The following PRKCE variants were observed in gnomAD, a reference collection of about 807,000 sequenced individuals.
The protein encoded by PRKCE is protein kinase C epsilon.
In PRKCE, 16 loss-of-function variants were observed where a neutral mutation model predicts 85.4. That is an observed-to-expected ratio of 0.19 (90% CI 0.13 to 0.28). The LOEUF (loss-of-function observed/expected upper bound fraction) is 0.28. PRKCE is among the 10% of genes least tolerant of loss of function. PRKCE has a pLI of 1.00. For synonymous variants in PRKCE, 388 were observed against 371.5 expected, an observed-to-expected ratio of 1.04 and a Z score of -0.51; for missense variants, 573 against 975.2, an observed-to-expected ratio of 0.59 and a Z score of 5.49.
chr2:45,763,308 C>A (rs1684664158), intron 1 of PRKCE, among the ~76,000 whole-genome samples: 1 of 152,110 alleles, frequency 6.6e-6, no homozygotes, highest in Non-Finnish European at 1.5e-5. Context: ...TGCTTTGGGC[C>A]TGTGAATGGA....
chr2:45,710,220 T>A (rs866599869), intron 1 of PRKCE, among the ~76,000 whole-genome samples: 1 of 152,250 alleles, frequency 6.6e-6, no homozygotes, highest in African/African-American at 2.4e-5. Flanking sequence ...ACTATCACTA[T>A]CCTCATATGA....
chr2:46,180,844 G>A (rs1021008184), intron 14 of PRKCE, among the ~76,000 whole-genome samples: 1 of 152,234 alleles, frequency 6.6e-6, no homozygotes, highest in African/African-American at 2.4e-5. Context: ...AGGAAAGGAT[G>A]GCACCAGAAT....
intron 2 of PRKCE, among the ~76,000 whole-genome samples, chr2:45,864,689 C>T (rs1031998605): frequency 3.9e-5 from 6 of 152,116 alleles, no homozygotes; most frequent in Non-Finnish European, 7.4e-5. Flanking sequence ...TTAATTCCTC[C>T]CCAACCATTC....
chr2:46,123,615 G>A (rs1028989718), intron 11 of PRKCE, among the ~76,000 whole-genome samples: 2 of 152,034 alleles, frequency 1.3e-5, no homozygotes, highest in Non-Finnish European at 2.9e-5. Flanking sequence ...CAACCTCCCA[G>A]GTAACTGGAA....
intron 1 of PRKCE, among the ~76,000 whole-genome samples, chr2:45,763,521 C>G (rs1334187913): frequency 1.3e-5 from 2 of 152,126 alleles, no homozygotes; most frequent in East Asian, 1.9e-4. Context: ...GTCCCACCCC[C>G]TCCCTAGTCT....
chr2:45,715,602 C>T (rs1680021931), intron 1 of PRKCE, among the ~76,000 whole-genome samples: 1 of 152,180 alleles, frequency 6.6e-6, no homozygotes, highest in Non-Finnish European at 1.5e-5. Flanking sequence ...AAATTTTCTA[C>T]AAGAGTCAGT....
At chr2:45,852,539 C>T (rs1692357134) in intron 2 of PRKCE, among the ~76,000 whole-genome samples, 1 of 152,144 alleles carries the variant, frequency 6.6e-6, no homozygotes, top group Non-Finnish European at 1.5e-5. Context: ...AGGTCCTGCC[C>T]TCTAGGAGCT....
chr2:45,657,858 T>C (rs1675450376), intron 1 of PRKCE, among the ~76,000 whole-genome samples: 1 of 152,170 alleles, frequency 6.6e-6, no homozygotes, highest in Admixed American at 6.5e-5. Context: ...CAGAATCACT[T>C]GGGGGAGATT....
chr2:45,985,688 T>C (rs1438466039), intron 6 of PRKCE, among the ~76,000 whole-genome samples: 2 of 152,080 alleles, frequency 1.3e-5, no homozygotes, highest in African/African-American at 2.4e-5. Flanking sequence ...CTTTAATATA[T>C]CAAGGAGGAA....
intron 1 of PRKCE, among the ~76,000 whole-genome samples, chr2:45,661,516 G>GTTT (rs1270841370): frequency 5.0e-5 from 6 of 121,156 alleles, no homozygotes; most frequent in African/African-American, 9.7e-5. Flanking sequence ...GTTTTGTTTT[G>GTTT]TTTTTTGTTT....
In PRKCE at chr2:46,184,167, T is replaced by C. The variant is rs142683005; in HGVS notation, c.2068-568T>C. Among the ~76,000 whole-genome samples the C allele has an allele frequency of 9.9e-4, 150 of 152,260 alleles. No homozygotes were observed. The highest frequency in any genetic ancestry group is 3.5e-3 in the African/African-American group (144 of 41,538). The stretch of plus-strand genomic sequence containing the variant: ...CTAGACAAAAGCATAAAAACGTCAT[T>C]GCAAGTCAATGTGCTGAGTTTAATA... On this transcript the variant is annotated intron_variant, in intron 14 of 14. Coordinates refer to ENST00000306156, the MANE Select transcript of PRKCE (RefSeq NM_005400.3). The surrounding 1 kb of genome is among the most constrained non-coding windows in gnomAD (Gnocchi z 5.0).
At chr2:45,656,418 T>C (rs1200680870) in intron 1 of PRKCE, among the ~76,000 whole-genome samples, 1 of 152,198 alleles carries the variant, frequency 6.6e-6, no homozygotes, top group African/African-American at 2.4e-5. Flanking sequence ...AGATAATTAT[T>C]CTCCAGATAA....
At chr2:45,897,991 CT>C (rs982248083) in intron 2 of PRKCE, among the ~76,000 whole-genome samples, 1 of 152,112 alleles carries the variant, frequency 6.6e-6, no homozygotes, top group Non-Finnish European at 1.5e-5. Context: ...AAGTATATAC[CT>C]CTTCTTGCCC....
At chr2:46,062,727 G>T (rs1667264899) in intron 10 of PRKCE, among the ~76,000 whole-genome samples, 1 of 137,808 alleles carries the variant, frequency 7.3e-6, no homozygotes, top group Non-Finnish European at 1.5e-5. Flanking sequence ...AGGCTGGAGT[G>T]CAGTGGCACC....
intron 1 of PRKCE, among the ~76,000 whole-genome samples, chr2:45,744,130 G>C (rs1397902547): frequency 3.3e-5 from 5 of 152,006 alleles, no homozygotes; most frequent in Non-Finnish European, 5.9e-5. Context: ...TCTGAGCTTA[G>C]TGTCCTTGTC....
intron 1 of PRKCE, among the ~76,000 whole-genome samples, chr2:45,714,661 T>C (rs1679942609): frequency 6.6e-6 from 1 of 152,170 alleles, no homozygotes; most frequent in Non-Finnish European, 1.5e-5. Flanking sequence ...ACTACAATCC[T>C]GTTAAAGAGG....
intron 10 of PRKCE, among the ~76,000 whole-genome samples, chr2:46,013,266 T>C (rs893150766): frequency 1.3e-5 from 2 of 152,236 alleles, no homozygotes; most frequent in East Asian, 3.8e-4. Flanking sequence ...ATTATTCACC[T>C]GACTCTGAGG....
At chr2:46,178,012 C>A (rs923143749) in intron 14 of PRKCE, among the ~76,000 whole-genome samples, 3 of 152,180 alleles carry the variant, frequency 2.0e-5, no homozygotes, top group Non-Finnish European at 4.4e-5. Context: ...GTGATCCCAG[C>A]ACTTTGGGAG....
At chr2:45,839,213 C>G (rs907340108) in intron 1 of PRKCE, among the ~76,000 whole-genome samples, 1 of 151,910 alleles carries the variant, frequency 6.6e-6, no homozygotes, top group African/African-American at 2.4e-5. Context: ...ACCCATTTCA[C>G]GGATGAAGAG....
Sources: allele counts gnomAD v4.1 joint callset (sites outside exome capture counted in the v4.1 genomes callset), GRCh38; gene constraint gnomAD v4.1.1; non-coding constraint Gnocchi (gnomAD v3.1); transcripts MANE v1.5; gene names NCBI Gene and HGNC (gene_info 2026-07-23, HGNC 2026-07-21).